The following SLC6A3 variants were observed in gnomAD, a reference collection of about 807,000 sequenced individuals.
SLC6A3 encodes sodium-dependent dopamine transporter.
In SLC6A3, 19 loss-of-function variants were observed where a neutral mutation model predicts 70.4. That is an observed-to-expected ratio of 0.27 (90% CI 0.19 to 0.40). The LOEUF is 0.40. Ranked by LOEUF, SLC6A3 falls within the 10% of genes least tolerant of loss-of-function variation. The probability of loss-of-function intolerance (pLI) is 1.00; values close to 1 mark genes in which losing one functional copy is unlikely to be tolerated. For synonymous variants in SLC6A3, 368 were observed against 356.6 expected (o/e 1.03, Z -0.36); for missense variants, 613 against 838.5 (o/e 0.73, Z 3.32).
In SLC6A3 at chr5:1,421,540, C is replaced by G. The variant is rs528481909; in HGVS notation, c.792+336G>C. 6.6e-6 allele frequency among the ~76,000 whole-genome samples: 1 copy of G among 152,126 alleles called. No individual in the cohort carries two copies. The highest frequency in any genetic ancestry group is 6.5e-5 in the Admixed American group (1 of 15,274). ...AGGCCCTTCCCCAAACACAGCCACA[C>G]GTGGACCCAAAACCCAACTGTGCCG... On this transcript the variant is annotated intron_variant, in intron 5 of 14. Transcript: ENST00000270349. The surrounding 1 kb of genome is among the most constrained non-coding windows in gnomAD (Gnocchi z 7.2).
In SLC6A3 at chr5:1,406,416, C is replaced by A; in HGVS notation, c.1499-128G>T. 1.2e-6 allele frequency: 1 copy of A among 816,726 alleles called. No individual in the cohort carries two copies. Among genetic ancestry groups the A allele is most frequent in the South Asian group, 1.4e-5 (1 of 70,192 alleles). The allele number at this position is 816,726 out of a possible 1,614,324, so 50.6% of individuals were successfully genotyped here. A position where few individuals can be genotyped will look rare whatever the true frequency, so the allele number is the denominator to read the frequency against. ...GGCCCCAGGCTTCGGCTGCACCCAG[C>A]CTCCTGCAGAGGAGGCCAGGCCACA... On this transcript the variant is annotated intron_variant, in intron 11 of 14. Coordinates refer to ENST00000270349, the MANE Select transcript of SLC6A3 (RefSeq NM_001044.5). The surrounding 1 kb of genome is among the most constrained non-coding windows in gnomAD (Gnocchi z 8.8).
rs1450527035 is a variant in SLC6A3, at chr5:1,393,083, AG to A, written c.*1651del. On this transcript the variant is annotated 3_prime_UTR_variant, in exon 15 of 15. Coordinates refer to ENST00000270349, the MANE Select transcript of SLC6A3 (RefSeq NM_001044.5). ...GTCCCTCCCCAGAAGGCAATGGGGA[AG>A]CCATCCTCTGTGCTAACTGCAGCTG... 6.6e-6 allele frequency: 1 copy of A among 152,184 alleles called. No individual in the cohort carries two copies. 9.4% of individuals were successfully genotyped at this position (152,184 alleles called of 1,614,324 possible). A position where few individuals can be genotyped will look rare whatever the true frequency, so the allele number is the denominator to read the frequency against.
rs1218737068 is a variant in SLC6A3, at chr5:1,406,845, C to T, written c.1499-557G>A. On this transcript the variant is annotated intron_variant, in intron 11 of 14. Transcript: ENST00000270349. This position sits in a 1 kb window ranked among gnomAD's most constrained non-coding sequence, Gnocchi z 8.8. The stretch of plus-strand genomic sequence containing the variant: ...GGCCCCAGCACCATCTGCTTTTTGT[C>T]TCAATGAATGTGACTCCTGTGGGAA... Among the ~76,000 whole-genome samples, 1 of 152,052 alleles carries T rather than the reference C, an allele frequency of 6.6e-6. No homozygotes were observed.
At chr5:1,425,394 G>A (rs143650500) in intron 4 of SLC6A3, among the ~76,000 whole-genome samples, 1 of 152,184 alleles carries the variant, frequency 6.6e-6, no homozygotes, top group Non-Finnish European at 1.5e-5. Context: ...GACGACAAGA[G>A]CTAAATACCC....
In SLC6A3 at chr5:1,405,473, C is replaced by T. The variant is rs185071592; in HGVS notation, c.1599+715G>A. On this transcript the variant is annotated intron_variant, in intron 12 of 14. Transcript: ENST00000270349. The surrounding 1 kb of genome is among the most constrained non-coding windows in gnomAD (Gnocchi z 5.3). ...GCTGGACTCGGGAGGTGCTTCTCTA[C>T]GTGAGCAGCTCACGGGACACTCTGC... Among the ~76,000 whole-genome samples the T allele has an allele frequency of 2.0e-5, 3 of 152,328 alleles. No homozygotes were observed. The highest frequency in any genetic ancestry group is 1.9e-4 in the East Asian group (1 of 5,186).
chr5:1,440,267 A>G (rs1241921033), intron 3 of SLC6A3, among the ~76,000 whole-genome samples: 1 of 152,106 alleles, frequency 6.6e-6, no homozygotes. Context: ...ATAGATCCAT[A>G]GATAGATGAA....
rs914751059 is a variant in SLC6A3 at position 1,405,794 on chromosome 5, C to T, written c.1599+394G>A. On this transcript the variant is annotated intron_variant, in intron 12 of 14. Coordinates refer to ENST00000270349, the MANE Select transcript of SLC6A3 (RefSeq NM_001044.5). The surrounding 1 kb of genome is among the most constrained non-coding windows in gnomAD (Gnocchi z 5.3). ...GGACAGGGCCGAGGCCCCTGCTGCTCTCATCCAGCACTCGGCATCCTTTGT... is the reference window on the plus strand; with the variant it reads ...GGACAGGGCCGAGGCCCCTGCTGCTTTCATCCAGCACTCGGCATCCTTTGT... Among the ~76,000 whole-genome samples, 1 of 152,230 alleles carries T rather than the reference C, an allele frequency of 6.6e-6. No homozygotes were observed. Among genetic ancestry groups the T allele is most frequent in the African/African-American group, 2.4e-5 (1 of 41,460 alleles).
At position 1,404,361 on chromosome 5, in the gene SLC6A3, A is replaced by C. The variant is rs1755920885; in HGVS notation, c.1600-1272T>G. ...GCACAGAGAGCCCTGAGCATGCTTTAAAGAGCCACGCGTGCATCCCTGGAC... is the reference window on the plus strand; with the variant it reads ...GCACAGAGAGCCCTGAGCATGCTTTCAAGAGCCACGCGTGCATCCCTGGAC... On this transcript the variant is annotated intron_variant, in intron 12 of 14. Coordinates refer to ENST00000270349, the MANE Select transcript of SLC6A3 (RefSeq NM_001044.5). The surrounding 1 kb of genome is among the most constrained non-coding windows in gnomAD (Gnocchi z 5.2). Among the ~76,000 whole-genome samples the C allele has an allele frequency of 6.6e-6, 1 of 152,198 alleles. No individual in the cohort carries two copies. Among genetic ancestry groups the C allele is most frequent in the African/African-American group, 2.4e-5 (1 of 41,438 alleles).
In SLC6A3 at chr5:1,414,810, G is replaced by T; in HGVS notation, c.1037C>A (p.Ala346Glu). The change falls in exon 8 of 15, where the codon GCG (alanine) becomes GAG (glutamate). Residue 346 changes from alanine (A) to glutamate (E), a missense_variant. Transcript: ENST00000270349. Reference protein sequence around the residue: ...NKFTNNCYRDAIVTTSINSLT... With the variant: ...NKFTNNCYRDEIVTTSINSLT... ...GGAGTTGATGGAGGTGGTGACAATCGCGTCCCTGTAAGAACAAGACACGCC... is the reference window on the plus strand; with the variant it reads ...GGAGTTGATGGAGGTGGTGACAATCTCGTCCCTGTAAGAACAAGACACGCC... 1.2e-6 allele frequency: 2 copies of T among 1,612,882 alleles called. No homozygotes were observed. The highest frequency in any genetic ancestry group is 1.7e-6 in the Non-Finnish European group (2 of 1,179,812).
In SLC6A3 at chr5:1,416,079, G is replaced by A; in HGVS notation, c.1031+19C>T. The A allele has an allele frequency of 6.3e-7, 1 of 1,585,308 alleles. No homozygotes were observed. Among genetic ancestry groups the A allele is most frequent in the Non-Finnish European group, 8.7e-7 (1 of 1,153,838 alleles). On this transcript the variant is annotated intron_variant, in intron 7 of 14. Transcript: ENST00000270349. ...CCTAGTATTGATGAGGCCCCTGCCT[G>A]GCCCTGCTAGGGGCTCACCTGTAGC...
chr5:1,420,726 C>T, intron 5 of SLC6A3, 23 bp from the exon 6 acceptor site: 1 of 1,612,262 alleles, frequency 6.2e-7, no homozygotes, highest in Admixed American at 1.7e-5. Flanking sequence ...ACAGTGTCAC[C>T]AGGCTGCACA....
chr5:1,404,527 T>C lies in SLC6A3; in HGVS notation c.1600-1438A>G, dbSNP rs1294476686. Among the ~76,000 whole-genome samples the C allele has an allele frequency of 6.6e-6, 1 of 152,238 alleles. No homozygotes were observed. The highest frequency in any genetic ancestry group is 2.4e-5 in the African/African-American group (1 of 41,458). On this transcript the variant is annotated intron_variant, in intron 12 of 14. Transcript: ENST00000270349. This position sits in a 1 kb window ranked among gnomAD's most constrained non-coding sequence, Gnocchi z 5.2. ...GTCTGCCCATGTAAGTTGCCTTTGC[T>C]CCGGCATAATTTCCCTTTAGCAGTG... is the stretch of plus-strand genomic sequence containing the variant.
Position 1,442,378 on chromosome 5 carries a change from G to C in SLC6A3, c.286+534C>G, listed in dbSNP as rs373210944. Among the ~76,000 whole-genome samples the C allele has an allele frequency of 6.6e-6, 1 of 152,136 alleles. No individual in the cohort carries two copies. Among genetic ancestry groups the C allele is most frequent in the Non-Finnish European group, 1.5e-5 (1 of 68,016 alleles). On this transcript the variant is annotated intron_variant, in intron 2 of 14. Transcript: ENST00000270349. This position sits in a 1 kb window ranked among gnomAD's most constrained non-coding sequence, Gnocchi z 5.0. ...CAGGGAGGCTGGGAGGCCCAAAGAG[G>C]CTCCTGGGAAGGGATCACCAATGTT...
At chr5:1,418,067 G>A (rs1299879421) in intron 6 of SLC6A3, among the ~76,000 whole-genome samples, 1 of 152,216 alleles carries the variant, frequency 6.6e-6, no homozygotes, top group Non-Finnish European at 1.5e-5. Flanking sequence ...TCAGCATGAG[G>A]GGAGGAGCCA....
intron 12 of SLC6A3, among the ~76,000 whole-genome samples, 191 bp from the exon 13 acceptor site, chr5:1,403,280 A>G (rs1755894714): frequency 6.6e-6 from 1 of 151,522 alleles, no homozygotes; most frequent in Non-Finnish European, 1.5e-5. Flanking sequence ...AGCATGATCT[A>G]GCCTGTCCTG....
chr5:1,418,968 GCTAC>G (rs1164159040), intron 6 of SLC6A3, among the ~76,000 whole-genome samples: 10 of 126,930 alleles, frequency 7.9e-5, no homozygotes, highest in South Asian at 5.3e-4. Context: ...ATGCTATCCA[GCTAC>G]CTACCTATCA....
In SLC6A3 at chr5:1,409,041, C is replaced by T. The variant is rs761226733; in HGVS notation, c.1483G>A (p.Val495Met). Residue 495 changes from valine to methionine, a missense_variant, in exon 11 of 15, where the codon GTG becomes ATG. Val to Met is a conservative substitution (Grantham distance 21). This residue lies in a region of SLC6A3 where 348 missense variants were observed against 481.2 expected (regional missense o/e 0.72). Coordinates refer to ENST00000270349, the MANE Select transcript of SLC6A3 (RefSeq NM_001044.5). ...CCGGACTCACCATAGAACCAGGCCA[C>T]TCCGATGGCTTCGATGAGCACTCCA... ...LFGVLIEAIGVAWFYGVGQFS... is the reference protein window; with the variant it reads ...LFGVLIEAIGMAWFYGVGQFS... The T allele has an allele frequency of 6.2e-7, 1 of 1,612,464 alleles. No homozygotes were observed. Among genetic ancestry groups the T allele is most frequent in the South Asian group, 1.1e-5 (1 of 91,000 alleles).
chr5:1,392,850 A>C lies in SLC6A3; in HGVS notation c.*1885T>G, dbSNP rs7732456. ...TAGGGACCCACACGATGCTGAATAGAGATTGGTCAACAGACACGGACAACA... is the reference window on the plus strand; with the variant it reads ...TAGGGACCCACACGATGCTGAATAGCGATTGGTCAACAGACACGGACAACA... On this transcript the variant is annotated 3_prime_UTR_variant, in exon 15 of 15. Transcript: ENST00000270349. The C allele has an allele frequency of 0.062, 9,483 of 152,222 alleles. 326 individuals carry two copies. The highest frequency in any genetic ancestry group is 0.075 in the Non-Finnish European group (5,131 of 68,066). The allele number at this position is 152,222 out of a possible 1,614,324, so 9.4% of individuals were successfully genotyped here.
intron 4 of SLC6A3, among the ~76,000 whole-genome samples, chr5:1,427,116 A>C (rs957914973): frequency 4.6e-5 from 7 of 152,282 alleles, no homozygotes; most frequent in African/African-American, 1.7e-4. Flanking sequence ...ACCGGACAGC[A>C]CTAGAGATGG....
Sources: gnomAD v4.1 joint callset for allele counts (sites outside exome capture counted in the v4.1 genomes callset) on GRCh38, gnomAD v4.1.1 for gene constraint, gnomAD v4.1.1 regional missense constraint, Gnocchi (gnomAD v3.1) non-coding constraint, MANE v1.5 for transcripts, NCBI Gene and HGNC (gene_info 2026-07-23, HGNC 2026-07-21) for gene names.